Variants in DNAH7 observed in about 807,000 individuals in gnomAD.
The protein encoded by DNAH7 is dynein axonemal heavy chain 7.
DNAH7 carries 397 observed loss-of-function variants against 444.6 expected under a neutral mutation model. That is an observed-to-expected ratio of 0.89 (90% CI 0.82 to 0.97). The LOEUF (loss-of-function observed/expected upper bound fraction) is 0.97. Among genes scored for constraint, DNAH7 ranks in the 50% least tolerant of loss-of-function variants. The probability of loss-of-function intolerance (pLI) is 0.00; values close to 1 mark genes in which losing one functional copy is unlikely to be tolerated. For missense variants in DNAH7, 4,902 were observed against 4,800.8 expected, an observed-to-expected ratio of 1.02 and a Z score of -0.62; for synonymous variants, 1,636 against 1,624.4, an observed-to-expected ratio of 1.01 and a Z score of -0.17.
chr2:195,742,284 A>G (rs1261289774), intron 63 of DNAH7, among the ~76,000 whole-genome samples: 1 of 152,178 alleles, frequency 6.6e-6, no homozygotes, highest in Non-Finnish European at 1.5e-5. Context: ...ACTTTATAGT[A>G]TGGAATACAA....
At chr2:195,745,147 G>C (rs1693315599) in intron 63 of DNAH7, among the ~76,000 whole-genome samples, 2 of 152,272 alleles carry the variant, frequency 1.3e-5, no homozygotes, top group African/African-American at 4.8e-5. Flanking sequence ...AACCAATAGA[G>C]AGAAGTGCTT....
In DNAH7 at chr2:196,019,302, A is replaced by C. The variant is rs1370367623; in HGVS notation, c.744-7T>G. 1 of 1,460,490 alleles carries C rather than the reference A, an allele frequency of 6.8e-7. No individual in the cohort carries two copies. The highest frequency in any genetic ancestry group is 2.4e-5 in the East Asian group (1 of 41,988). 90.5% of individuals were successfully genotyped at this position (1,460,490 alleles called of 1,614,324 possible). On this transcript the variant is annotated splice_polypyrimidine_tract_variant and splice_region_variant and intron_variant, in intron 8 of 64. Coordinates refer to ENST00000312428, the MANE Select transcript of DNAH7 (RefSeq NM_018897.3). ...TTTTGGCAGAATTTCCATTCTGAAA[A>C]CAAAGAAAATATTTAGTTACAGTCT...
intron 15 of DNAH7, among the ~76,000 whole-genome samples, chr2:195,980,520 ACT>A (rs1692503729): frequency 6.6e-6 from 1 of 152,198 alleles, no homozygotes; most frequent in Non-Finnish European, 1.5e-5. Flanking sequence ...GGCCAGTATT[ACT>A]CTGTCACCAA....
chr2:195,868,254 A>T (rs1470719013), intron 40 of DNAH7, among the ~76,000 whole-genome samples: 1 of 150,944 alleles, frequency 6.6e-6, no homozygotes, highest in African/African-American at 2.4e-5. Context: ...CCGCCACCAC[A>T]CCCGGCTAAT....
intron 47 of DNAH7, among the ~76,000 whole-genome samples, chr2:195,842,620 T>C (rs1171966473): frequency 1.3e-5 from 2 of 152,156 alleles, no homozygotes; most frequent in Non-Finnish European, 2.9e-5. Flanking sequence ...GTATAGTTGC[T>C]ACCACAACTT....
chr2:195,757,585 T>A (rs1311155491), intron 61 of DNAH7, among the ~76,000 whole-genome samples: 1 of 152,134 alleles, frequency 6.6e-6, no homozygotes, highest in African/African-American at 2.4e-5. Flanking sequence ...AAAACAGCAG[T>A]AAAGGAATTT....
chr2:195,950,851 C>CAAAAAAAAAAAAA lies in DNAH7; in HGVS notation c.3078+6397_3078+6409dup, dbSNP rs67782183. 6.3e-4 allele frequency among the ~76,000 whole-genome samples: 23 copies of CAAAAAAAAAAAAA among 36,710 alleles called. 2 individuals carry two copies. Among genetic ancestry groups the CAAAAAAAAAAAAA allele is most frequent in the Non-Finnish European group, 7.1e-4 (15 of 21,096 alleles). 24.1% of individuals were successfully genotyped at this position (36,710 alleles called of 152,430 possible). A position where few individuals can be genotyped will look rare whatever the true frequency, so the allele number is the denominator to read the frequency against. The stretch of plus-strand genomic sequence containing the variant: ...TAGGCAACAGAGTGGGACTCTGTCT[C>CAAAAAAAAAAAAA]AAAAAAAAAAAAAAAAAAAAAAAAA... On this transcript the variant is annotated intron_variant, in intron 19 of 64. Coordinates refer to ENST00000312428, the MANE Select transcript of DNAH7 (RefSeq NM_018897.3).
chr2:196,024,556 C>T (rs779199022), intron 7 of DNAH7, 52 bp from the exon 8 acceptor site: 5 of 1,044,954 alleles, frequency 4.8e-6, no homozygotes, highest in South Asian at 3.6e-5. Flanking sequence ...AACTGTAGTA[C>T]ATTTCCAAGC....
intron 41 of DNAH7, 44 bp from the exon 42 acceptor site, chr2:195,861,990 ATCTGGATCTGC>A: frequency 6.9e-7 from 1 of 1,457,544 alleles, no homozygotes; most frequent in Middle Eastern, 1.7e-4. Context: ...AAGATTACGA[ATCTGGATCTGC>A]TACTACTGCA....
chr2:195,903,519 T>G (rs1475988199), intron 27 of DNAH7: 2 of 152,184 alleles, frequency 1.3e-5, no homozygotes, highest in Admixed American at 1.3e-4. Flanking sequence ...AAATGATCAT[T>G]GACTACTGAT....
At chr2:195,876,883 T>C (rs1175474950) in intron 36 of DNAH7, among the ~76,000 whole-genome samples, 184 bp from the exon 37 acceptor site, 1 of 152,196 alleles carries the variant, frequency 6.6e-6, no homozygotes, top group African/African-American at 2.4e-5. Flanking sequence ...CTGTCCAGCC[T>C]CTTGCATGTG....
Position 195,888,955 on chromosome 2 carries a change from A to G in DNAH7, c.5073T>C (p.Phe1691=), listed in dbSNP as rs756662552. Residue 1691 remains phenylalanine (F), a synonymous_variant, in exon 32 of 65, where the codon TTT becomes TTC. Coordinates refer to ENST00000312428, the MANE Select transcript of DNAH7 (RefSeq NM_018897.3). Reference sequence around the variant, plus strand: ...TCCACACTGCATCTACTGGGCCATCAAAAATTAACCATTTCCTATCTGGAG... The same window carrying G: ...TCCACACTGCATCTACTGGGCCATCGAAAATTAACCATTTCCTATCTGGAG... ...SVTPDRKWLI[F]DGPVDAVWIE... 1 of 1,613,008 alleles carries G rather than the reference A, an allele frequency of 6.2e-7. No homozygotes were observed. The highest frequency in any genetic ancestry group is 2.2e-5 in the East Asian group (1 of 44,836).
chr2:195,998,540 G>T (rs1693840878), intron 12 of DNAH7, among the ~76,000 whole-genome samples: 1 of 148,384 alleles, frequency 6.7e-6, no homozygotes, highest in African/African-American at 2.5e-5. Context: ...ACTCCAGCCT[G>T]TGTAACAGAG....
intron 1 of DNAH7, among the ~76,000 whole-genome samples, chr2:196,062,940 T>C (rs12470372): frequency 0.012 from 1,849 of 152,340 alleles, 87 homozygotes; most frequent in Admixed American, 0.079. Flanking sequence ...TGTAGTGCAG[T>C]GGCGCAATCT....
At chr2:196,055,104 C>A (rs1237968797) in intron 2 of DNAH7, among the ~76,000 whole-genome samples, 1 of 152,168 alleles carries the variant, frequency 6.6e-6, no homozygotes, top group Non-Finnish European at 1.5e-5. Flanking sequence ...GCTGTAATCC[C>A]AGCACTTTTG....
chr2:196,003,099 GATAGAT>G (rs1250148001), intron 10 of DNAH7, among the ~76,000 whole-genome samples: 1 of 150,036 alleles, frequency 6.7e-6, no homozygotes, highest in Admixed American at 6.6e-5. Flanking sequence ...GAAATAAAAG[GATAGAT>G]ATAATTTTCC....
chr2:195,787,121 T>A lies in DNAH7; in HGVS notation c.10767A>T (p.Val3589=), dbSNP rs576417945. 3 of 1,610,446 alleles carry A rather than the reference T, an allele frequency of 1.9e-6. No homozygotes were observed. The East Asian group carries it at 6.7e-5, about 36-fold the overall frequency. The part of the protein sequence containing the change: ...LYGLCFFHAL[V]QERRKFGPLG... ...GGGGTCCAAATTTCCGTCTTTCTTG[T>A]ACCAAAGCATGAAAGAAACACAGGC... Residue 3589 remains valine (V), a synonymous_variant, in exon 58 of 65, where the codon GTA becomes GTT. Transcript: ENST00000312428.
chr2:195,982,007 G>A (rs75726560), intron 15 of DNAH7, among the ~76,000 whole-genome samples: 1 of 152,010 alleles, frequency 6.6e-6, no homozygotes, highest in Non-Finnish European at 1.5e-5. Flanking sequence ...CAAAGGAAAC[G>A]ATCAACAACA....
At position 195,957,874 on chromosome 2, in the gene DNAH7, T is replaced by C. The variant is rs539507196; in HGVS notation, c.2892-427A>G. 9.2e-5 allele frequency among the ~76,000 whole-genome samples: 14 copies of C among 152,304 alleles called. No homozygotes were observed. In the South Asian group the frequency reaches 2.7e-3, roughly 29 times the overall value. Reference sequence around the variant, plus strand: ...CCTTTCTGCTATCTAGTTCCATGGCTAGAGAGTACAAATTGAAAAATGAGA... The same window carrying C: ...CCTTTCTGCTATCTAGTTCCATGGCCAGAGAGTACAAATTGAAAAATGAGA... On this transcript the variant is annotated intron_variant, in intron 18 of 64. Coordinates refer to ENST00000312428, the MANE Select transcript of DNAH7 (RefSeq NM_018897.3).
Sources: allele counts gnomAD v4.1 joint callset (sites outside exome capture counted in the v4.1 genomes callset), GRCh38; gene constraint gnomAD v4.1.1; transcripts MANE v1.5; gene names NCBI Gene and HGNC (gene_info 2026-07-23, HGNC 2026-07-21).